The following RBFOX1 variants were observed in gnomAD, a reference collection of about 807,000 sequenced individuals.
RBFOX1 encodes RNA binding fox-1 homolog 1.
RBFOX1 carries 8 observed loss-of-function variants against 57.7 expected under a neutral mutation model. That is an observed-to-expected ratio of 0.14 (90% CI 0.08 to 0.25). The LOEUF is 0.25. Among genes scored for constraint, RBFOX1 ranks in the 10% least tolerant of loss-of-function variants. The pLI, the probability that RBFOX1 is intolerant of heterozygous loss-of-function variation, is 1.00. For synonymous variants in RBFOX1, 326 were observed against 222.4 expected (o/e 1.47, Z -4.15); for missense variants, 611 against 548.5 (o/e 1.11, Z -1.14).
intron 2 of RBFOX1, among the ~76,000 whole-genome samples, chr16:6,427,858 A>G (rs1267915602): frequency 6.6e-6 from 1 of 152,182 alleles, no homozygotes; most frequent in Non-Finnish European, 1.5e-5. Context: ...TTCACCCGTT[A>G]CCAGGTGTGT....
intron 1 of RBFOX1, among the ~76,000 whole-genome samples, chr16:6,163,022 CTG>C (rs887214427): frequency 1.3e-5 from 2 of 152,200 alleles, no homozygotes; most frequent in Non-Finnish European, 2.9e-5. Flanking sequence ...GTGCCAACCA[CTG>C]TGCCTATCCC....
chr16:7,707,819 T>C (rs2082978499), intron 14 of RBFOX1, among the ~76,000 whole-genome samples: 1 of 152,178 alleles, frequency 6.6e-6, no homozygotes, highest in Non-Finnish European at 1.5e-5. Context: ...CGTTGCGTTT[T>C]TTTTCCCCTT....
chr16:5,375,939 G>T (rs989789954), intron 1 of RBFOX1, among the ~76,000 whole-genome samples: 6 of 152,138 alleles, frequency 3.9e-5, no homozygotes, highest in Non-Finnish European at 8.8e-5. Context: ...GGCTGAGGTG[G>T]CTGGATCATT....
intron 4 of RBFOX1, among the ~76,000 whole-genome samples, chr16:7,410,425 T>C (rs7188859): frequency 0.3 from 45,495 of 152,228 alleles, 7,271 homozygotes; most frequent in Middle Eastern, 0.41. Context: ...CTCACGCCTG[T>C]AATCCCAGCA....
At chr16:7,044,289 G>T (rs8051446) in intron 3 of RBFOX1, among the ~76,000 whole-genome samples, 1 of 152,106 alleles carries the variant, frequency 6.6e-6, no homozygotes. Context: ...AGCCACCTAA[G>T]GCTCAGTTCT....
intron 1 of RBFOX1, among the ~76,000 whole-genome samples, chr16:5,301,778 C>T (rs2063814076): frequency 2.6e-5 from 4 of 152,118 alleles, no homozygotes; most frequent in Admixed American, 2.6e-4. Context: ...AGATGAAACC[C>T]TGTAGAAACT....
Position 7,693,269 on chromosome 16 carries a change from T to C in RBFOX1, c.996-15787T>C, listed in dbSNP as rs1344700612. 3.2e-6 allele frequency: 5 copies of C among 1,563,614 alleles called. No individual in the cohort carries two copies. In the South Asian group the frequency reaches 5.6e-5, roughly 17 times the overall value. On this transcript the variant is annotated intron_variant, in intron 14 of 15. Coordinates refer to ENST00000550418, the MANE Select transcript of RBFOX1 (RefSeq NM_018723.4). ...ATCGAAGCAATTGGCAGAGAGCACA[T>C]TTCCCCCTGAGCGAGCAGTATTGTG...
At chr16:6,753,691 G>A (rs190136883) in intron 3 of RBFOX1, among the ~76,000 whole-genome samples, 4 of 151,744 alleles carry the variant, frequency 2.6e-5, no homozygotes, top group Admixed American at 2.0e-4. Flanking sequence ...GAGAAGCCTC[G>A]TGCCCTCCTC....
chr16:7,100,215 C>A (rs77376125), intron 4 of RBFOX1, among the ~76,000 whole-genome samples: 1 of 151,790 alleles, frequency 6.6e-6, no homozygotes, highest in Non-Finnish European at 1.5e-5. Flanking sequence ...AAAGGAATGA[C>A]TATTCAGTGC....
rs149493191 is a variant in RBFOX1, at chr16:5,288,072, C to T, written c.219+47967C>T. 3.6e-3 allele frequency among the ~76,000 whole-genome samples: 549 copies of T among 152,294 alleles called. 2 individuals are homozygous for T. The highest frequency in any genetic ancestry group is 5.3e-3 in the Non-Finnish European group (360 of 68,022). On this transcript the variant is annotated intron_variant, in intron 1 of 2. Transcript: ENST00000585867. Reference sequence around the variant, plus strand: ...CTGCAGGTCTGCATGTAATTGTGTACGGCCGACTCCACATTGGTCATGGCT... The same window carrying T: ...CTGCAGGTCTGCATGTAATTGTGTATGGCCGACTCCACATTGGTCATGGCT...
rs759278357 is a variant in RBFOX1 at position 5,806,441 on chromosome 16, A to G, written c.319-60862A>G. ...AAGAGCCAGAAAGGGAGCCAAAGCT[A>G]GTTGCCTCCAGCCCTGTTACAAGGG... On this transcript the variant is annotated intron_variant, in intron 3 of 19. Coordinates refer to the RBFOX1 transcript ENST00000641259. Among the ~76,000 whole-genome samples the G allele has an allele frequency of 7.0e-4, 107 of 152,170 alleles. 1 individual carries two copies. Among genetic ancestry groups the G allele is most frequent in the Non-Finnish European group, 2.1e-4 (14 of 68,038 alleles).
chr16:5,340,397 T>C (rs1251003043), intron 1 of RBFOX1, among the ~76,000 whole-genome samples: 1 of 152,208 alleles, frequency 6.6e-6, no homozygotes, highest in East Asian at 1.9e-4. Flanking sequence ...GTTGAGGTCT[T>C]CTGGAAAACT....
intron 2 of RBFOX1, among the ~76,000 whole-genome samples, chr16:6,433,379 C>G (rs1379150667): frequency 2.0e-5 from 3 of 152,222 alleles, no homozygotes; most frequent in African/African-American, 7.2e-5. Context: ...ACTGTAGAGC[C>G]TCTGTCTTGA....
At chr16:6,101,574 C>T (rs1423714276) in intron 1 of RBFOX1, among the ~76,000 whole-genome samples, 2 of 152,110 alleles carry the variant, frequency 1.3e-5, no homozygotes, top group Non-Finnish European at 2.9e-5. Context: ...GCAACCTCCA[C>T]CTCCCAGGTT....
intron 2 of RBFOX1, among the ~76,000 whole-genome samples, chr16:6,456,673 C>T (rs1414541536): frequency 4.6e-5 from 7 of 152,044 alleles, no homozygotes; most frequent in South Asian, 2.1e-4. Flanking sequence ...AGTTAGAGGG[C>T]GGTTGCAGGC....
chr16:6,544,669 G>A (rs1245916104), intron 2 of RBFOX1, among the ~76,000 whole-genome samples: 1 of 152,130 alleles, frequency 6.6e-6, no homozygotes, highest in African/African-American at 2.4e-5. Context: ...CGCTGACTGC[G>A]TATCCACCCC....
intron 3 of RBFOX1, among the ~76,000 whole-genome samples, chr16:5,858,724 G>T (rs1327298886): frequency 6.6e-6 from 1 of 152,236 alleles, no homozygotes. Context: ...CATTGGACAT[G>T]TCTGGAGCCT....
At chr16:6,769,333 T>C (rs62016069) in intron 3 of RBFOX1, among the ~76,000 whole-genome samples, 13,511 of 152,270 alleles carry the variant, frequency 0.089, 635 homozygotes, top group East Asian at 0.13. Flanking sequence ...ACTGTAAGTC[T>C]ATTAAAGGTC....
At chr16:7,294,247 G>A (rs146853393) in intron 4 of RBFOX1, among the ~76,000 whole-genome samples, 5 of 151,898 alleles carry the variant, frequency 3.3e-5, no homozygotes, top group Non-Finnish European at 5.9e-5. Context: ...CTTGTCCCAC[G>A]CACTTACATT....
Sources: gnomAD v4.1 joint callset for allele counts (sites outside exome capture counted in the v4.1 genomes callset) on GRCh38, gnomAD v4.1.1 for gene constraint, MANE v1.5 for transcripts, NCBI Gene and HGNC (gene_info 2026-07-23, HGNC 2026-07-21) for gene names.